Variants in PIBF1 observed in about 807,000 individuals in gnomAD.
PIBF1 encodes progesterone immunomodulatory binding factor 1.
PIBF1 carries 90 observed loss-of-function variants against 112.5 expected under a neutral mutation model. The ratio of observed to expected loss-of-function variants is 0.80; its 90% CI spans 0.67 to 0.95. The LOEUF (loss-of-function observed/expected upper bound fraction) is 0.95, where lower values mean the gene tolerates loss of function less well. Ranked by LOEUF, PIBF1 falls within the 40% of genes least tolerant of loss-of-function variation. The probability of loss-of-function intolerance (pLI) is 0.00; values close to 1 mark genes in which losing one functional copy is unlikely to be tolerated. For synonymous variants in PIBF1, 301 were observed against 288.6 expected, an observed-to-expected ratio of 1.04 and a Z score of -0.44; for missense variants, 915 against 852.3, an observed-to-expected ratio of 1.07 and a Z score of -0.92.
At chr13:72,878,394 T>C (rs1013464267) in intron 10 of PIBF1, among the ~76,000 whole-genome samples, 1 of 152,244 alleles carries the variant, frequency 6.6e-6, no homozygotes, top group Middle Eastern at 3.2e-3. Context: ...CTTTGATGTA[T>C]GTGTCATTTA....
intron 10 of PIBF1, among the ~76,000 whole-genome samples, chr13:72,893,080 C>T (rs1183549875): frequency 6.6e-6 from 1 of 152,082 alleles, no homozygotes; most frequent in Non-Finnish European, 1.5e-5. Context: ...CATAATAACT[C>T]CCTGAAAAGA....
intron 10 of PIBF1, among the ~76,000 whole-genome samples, chr13:72,889,303 T>C (rs901758207): frequency 6.6e-6 from 1 of 152,150 alleles, no homozygotes; most frequent in Non-Finnish European, 1.5e-5. Flanking sequence ...TGAATGTATC[T>C]GGAGATTTAG....
chr13:72,891,460 T>C (rs561751478), intron 10 of PIBF1, among the ~76,000 whole-genome samples: 1 of 151,754 alleles, frequency 6.6e-6, no homozygotes, highest in East Asian at 1.9e-4. Context: ...GGGACATTTG[T>C]ATGTCATAAA....
intron 9 of PIBF1, among the ~76,000 whole-genome samples, chr13:72,844,754 C>CGGATGAAGTCTT (rs1236466865): frequency 9.8e-6 from 1 of 102,158 alleles, no homozygotes; most frequent in East Asian, 2.6e-4. Flanking sequence ...CACACACACA[C>CGGATGAAGTCTT]ACACACACAC....
intron 16 of PIBF1, among the ~76,000 whole-genome samples, chr13:72,978,356 CTGA>C (rs1213063182): frequency 2.6e-5 from 4 of 152,160 alleles, no homozygotes; most frequent in Admixed American, 2.6e-4. Flanking sequence ...GAAACTGATG[CTGA>C]TAAGAGTTAA....
intron 10 of PIBF1, among the ~76,000 whole-genome samples, chr13:72,892,103 T>A (rs1488162714): frequency 1.3e-5 from 2 of 152,094 alleles, no homozygotes; most frequent in Non-Finnish European, 2.9e-5. Flanking sequence ...TAGATAATGA[T>A]GTGCAAATTT....
At chr13:72,892,255 A>C (rs979033709) in intron 10 of PIBF1, among the ~76,000 whole-genome samples, 3 of 152,172 alleles carry the variant, frequency 2.0e-5, no homozygotes, top group Non-Finnish European at 4.4e-5. Flanking sequence ...AAAAAGTTTT[A>C]TATAATTAAT....
At chr13:72,908,468 G>A in intron 11 of PIBF1, 63 bp from the exon 12 acceptor site, 1 of 1,060,682 alleles carries the variant, frequency 9.4e-7, no homozygotes, top group Admixed American at 2.8e-5. Flanking sequence ...TTTGCATCAT[G>A]TTTTTGTCTT....
intron 3 of PIBF1, among the ~76,000 whole-genome samples, chr13:72,794,183 A>G (rs1236733787): frequency 6.6e-6 from 1 of 152,254 alleles, no homozygotes; most frequent in Non-Finnish European, 1.5e-5. Flanking sequence ...TCATTAGATC[A>G]TGGAGGAAAA....
At chr13:72,867,499 A>C (rs544531331) in intron 10 of PIBF1, among the ~76,000 whole-genome samples, 3 of 152,190 alleles carry the variant, frequency 2.0e-5, no homozygotes, top group African/African-American at 4.8e-5. Flanking sequence ...AGATGTGTCT[A>C]TGTTCTCTTT....
chr13:72,907,231 G>T (rs1428354225), intron 11 of PIBF1, among the ~76,000 whole-genome samples: 1 of 149,112 alleles, frequency 6.7e-6, no homozygotes, highest in Admixed American at 6.7e-5. Flanking sequence ...AAAATTGAAG[G>T]AAATGATCTG....
At chr13:72,799,546 A>T (rs2035368640) in intron 5 of PIBF1, among the ~76,000 whole-genome samples, 2 of 152,154 alleles carry the variant, frequency 1.3e-5, no homozygotes, top group Admixed American at 1.3e-4. Flanking sequence ...ACTGTTTTGC[A>T]CATTTAGAAA....
chr13:72,871,023 T>C (rs2039138953), intron 10 of PIBF1, among the ~76,000 whole-genome samples: 1 of 152,036 alleles, frequency 6.6e-6, no homozygotes, highest in Non-Finnish European at 1.5e-5. Flanking sequence ...TGTATATATA[T>C]TTATGGTAAT....
intron 11 of PIBF1, 137 bp from the exon 12 acceptor site, chr13:72,908,394 T>C (rs910149390): frequency 2.4e-6 from 1 of 411,038 alleles, no homozygotes; most frequent in African/African-American, 2.1e-5. Context: ...ATTTCCTCAT[T>C]AGTCATCTTA....
intron 16 of PIBF1, among the ~76,000 whole-genome samples, chr13:72,977,786 T>C (rs2043060953): frequency 6.6e-6 from 1 of 152,218 alleles, no homozygotes; most frequent in Non-Finnish European, 1.5e-5. Flanking sequence ...TCCAGGAATG[T>C]GTATTGATCT....
In PIBF1 at chr13:72,836,519, A is replaced by G. The variant is rs7320061; in HGVS notation, c.1223+1151A>G. On this transcript the variant is annotated intron_variant, in intron 9 of 17. Coordinates refer to ENST00000326291, the MANE Select transcript of PIBF1 (RefSeq NM_006346.4). Reference sequence around the variant, plus strand: ...TTATTTATAAGTTGCTGTATTTATAAGTTAGCCACTACTATAAAAACTATA... The same window carrying G: ...TTATTTATAAGTTGCTGTATTTATAGGTTAGCCACTACTATAAAAACTATA... Among the ~76,000 whole-genome samples the G allele has an allele frequency of 4.8e-3, 725 of 152,272 alleles. 3 individuals are homozygous for G. Among genetic ancestry groups the G allele is most frequent in the African/African-American group, 0.016 (663 of 41,564 alleles).
intron 16 of PIBF1, among the ~76,000 whole-genome samples, chr13:72,991,567 A>G (rs750989077): frequency 1.2e-4 from 18 of 152,154 alleles, no homozygotes; most frequent in Non-Finnish European, 2.4e-4. Context: ...ATCAGATTTT[A>G]TCAGACTACG....
At chr13:72,936,121 G>A (rs1380929472) in intron 14 of PIBF1, among the ~76,000 whole-genome samples, 1 of 151,870 alleles carries the variant, frequency 6.6e-6, no homozygotes, top group Non-Finnish European at 1.5e-5. Flanking sequence ...TCGAACTCTT[G>A]GACTCAAGAG....
chr13:72,974,611 A>G (rs887493310), intron 16 of PIBF1, among the ~76,000 whole-genome samples: 4 of 152,058 alleles, frequency 2.6e-5, no homozygotes, highest in Non-Finnish European at 5.9e-5. Context: ...GAGCCTGTAC[A>G]TACATCTACA....
Sources: gnomAD v4.1 joint callset for allele counts (sites outside exome capture counted in the v4.1 genomes callset) on GRCh38, gnomAD v4.1.1 for gene constraint, MANE v1.5 for transcripts, NCBI Gene and HGNC (gene_info 2026-07-23, HGNC 2026-07-21) for gene names.